The following PRKAR2B variants were observed in gnomAD, a reference collection of about 807,000 sequenced individuals.
PRKAR2B encodes the protein cAMP-dependent protein kinase type II-beta regulatory subunit.
A neutral mutation model predicts 49.9 loss-of-function variants in PRKAR2B; 14 were observed. The ratio of observed to expected loss-of-function variants is 0.28; its 90% confidence interval spans 0.19 to 0.44. The LOEUF (loss-of-function observed/expected upper bound fraction) is 0.44, where lower values mean the gene tolerates loss of function less well. PRKAR2B is among the 20% of genes least tolerant of loss of function. The pLI is 1.00. For synonymous variants in PRKAR2B, 196 were observed against 197.7 expected, an observed-to-expected ratio of 0.99 and a Z score of 0.07; for missense variants, 393 against 537.9, an observed-to-expected ratio of 0.73 and a Z score of 2.67.
At chr7:107,087,415 G>A (rs1237212597) in intron 2 of PRKAR2B, among the ~76,000 whole-genome samples, 1 of 152,100 alleles carries the variant, frequency 6.6e-6, no homozygotes, top group Non-Finnish European at 1.5e-5. Context: ...ATTCCAGTAA[G>A]AACCACTTTA....
chr7:107,124,700 G>A lies in PRKAR2B; in HGVS notation c.396+2696G>A, dbSNP rs113393521. On this transcript the variant is annotated intron_variant, in intron 3 of 10. Coordinates refer to ENST00000265717, the MANE Select transcript of PRKAR2B (RefSeq NM_002736.3). ...CTCCCAAACTGTTAGGATTACTGGC[G>A]TGAGCCACTGTGCCTGACCGATATA... 2.3e-3 allele frequency among the ~76,000 whole-genome samples: 346 copies of A among 152,228 alleles called. 3 individuals carry two copies. Among genetic ancestry groups the A allele is most frequent in the African/African-American group, 7.8e-3 (325 of 41,566 alleles).
intron 2 of PRKAR2B, among the ~76,000 whole-genome samples, chr7:107,096,902 C>T (rs1794849728): frequency 6.6e-6 from 1 of 152,188 alleles, no homozygotes; most frequent in Non-Finnish European, 1.5e-5. Context: ...AGTTCTTTTA[C>T]ACTTGCTGAG....
In PRKAR2B at chr7:107,154,840, G is replaced by A. The variant is rs1281009693; in HGVS notation, c.918+1589G>A. Among the ~76,000 whole-genome samples, 6 of 152,172 alleles carry A rather than the reference G, an allele frequency of 3.9e-5. No homozygotes were observed. In the South Asian group the frequency reaches 1.2e-3, roughly 32 times the overall value. On this transcript the variant is annotated intron_variant, in intron 8 of 10. Transcript: ENST00000265717. ...CAAAAGCAAGAAAGAACAGGTATATGGGTAGAGCAACACTTTTCTTTTAGA... is the reference window on the plus strand; with the variant it reads ...CAAAAGCAAGAAAGAACAGGTATATAGGTAGAGCAACACTTTTCTTTTAGA...
chr7:107,066,100 G>C (rs1295545838), intron 1 of PRKAR2B, among the ~76,000 whole-genome samples: 1 of 152,172 alleles, frequency 6.6e-6, no homozygotes, highest in African/African-American at 2.4e-5. Context: ...TTCCACTGCA[G>C]TAGTGTTGGG....
chr7:107,088,089 A>G (rs1018645390), intron 2 of PRKAR2B, among the ~76,000 whole-genome samples: 5 of 152,098 alleles, frequency 3.3e-5, no homozygotes, highest in African/African-American at 1.2e-4. Flanking sequence ...AGATACTATT[A>G]TTATTTCCGT....
intron 2 of PRKAR2B, among the ~76,000 whole-genome samples, chr7:107,117,869 T>G (rs1042270521): frequency 1.3e-5 from 2 of 152,168 alleles, no homozygotes; most frequent in Non-Finnish European, 2.9e-5. Flanking sequence ...TTACTCTATC[T>G]GCAATGTGGG....
At chr7:107,058,200 T>A (rs1051034261) in intron 1 of PRKAR2B, among the ~76,000 whole-genome samples, 1 of 152,186 alleles carries the variant, frequency 6.6e-6, no homozygotes, top group Non-Finnish European at 1.5e-5. Context: ...AAATTTAAGG[T>A]TTAGCAGGTA....
rs1796173783 is a variant in PRKAR2B, at chr7:107,160,209, G to A, written c.*627G>A. ...TAATGTCAGTAACATACATATTCCAGTGGTTTTATGGACAGGCAATTTAGT... is the reference window on the plus strand; with the variant it reads ...TAATGTCAGTAACATACATATTCCAATGGTTTTATGGACAGGCAATTTAGT... On this transcript the variant is annotated 3_prime_UTR_variant, in exon 11 of 11. Coordinates refer to ENST00000265717, the MANE Select transcript of PRKAR2B (RefSeq NM_002736.3). 1.3e-5 allele frequency: 2 copies of A among 152,580 alleles called. No individual in the cohort carries two copies. The highest frequency in any genetic ancestry group is 6.5e-5 in the Admixed American group (1 of 15,276). 9.5% of individuals were successfully genotyped at this position (152,580 alleles called of 1,614,324 possible). A position where few individuals can be genotyped will look rare whatever the true frequency, so the allele number is the denominator to read the frequency against.
chr7:107,076,648 T>C (rs556749818), intron 2 of PRKAR2B, among the ~76,000 whole-genome samples: 4 of 152,350 alleles, frequency 2.6e-5, no homozygotes, highest in East Asian at 1.9e-4. Context: ...TTATTTCTTA[T>C]AATAGAAGGA....
At chr7:107,144,124 G>A (rs1180319077) in intron 5 of PRKAR2B, among the ~76,000 whole-genome samples, 1 of 150,820 alleles carries the variant, frequency 6.6e-6, no homozygotes, top group Non-Finnish European at 1.5e-5. Flanking sequence ...TGCTCTTGTT[G>A]CCCAGGCTGG....
At position 107,160,311 on chromosome 7, in the gene PRKAR2B, CTTTT is replaced by C. The variant is rs201368651; in HGVS notation, c.*734_*737del. The C allele has an allele frequency of 6.6e-6, 1 of 152,026 alleles. No individual in the cohort carries two copies. Among genetic ancestry groups the C allele is most frequent in the Non-Finnish European group, 1.5e-5 (1 of 67,936 alleles). The allele number at this position is 152,026 out of a possible 1,614,324, so 9.4% of individuals were successfully genotyped here. Reference sequence around the variant, plus strand: ...TTTTCCCTCATCAAGCATATATCTGCTTTTTTTTATTTTGCAATTCTCTGTATTC... The same window carrying C: ...TTTTCCCTCATCAAGCATATATCTGCTTTTATTTTGCAATTCTCTGTATTC... On this transcript the variant is annotated 3_prime_UTR_variant, in exon 11 of 11. Transcript: ENST00000265717.
chr7:107,152,986 G>T (rs147937501), intron 7 of PRKAR2B, among the ~76,000 whole-genome samples, 191 bp from the exon 8 acceptor site: 47 of 152,336 alleles, frequency 3.1e-4, no homozygotes, highest in Non-Finnish European at 5.4e-4. Flanking sequence ...TTTTTCAAGA[G>T]AAGCTGGAGA....
chr7:107,105,981 G>T (rs1399699207), intron 2 of PRKAR2B, among the ~76,000 whole-genome samples: 1 of 152,122 alleles, frequency 6.6e-6, no homozygotes, highest in Non-Finnish European at 1.5e-5. Context: ...GTTAGCTCAT[G>T]GGGGGTTGAG....
chr7:107,065,069 A>G (rs939755410), intron 1 of PRKAR2B, among the ~76,000 whole-genome samples: 34 of 152,354 alleles, frequency 2.2e-4, no homozygotes, highest in African/African-American at 8.2e-4. Flanking sequence ...TAATTATCTT[A>G]CATGGTTTCA....
chr7:107,145,822 C>T (rs1417066721), intron 5 of PRKAR2B, among the ~76,000 whole-genome samples: 2 of 150,224 alleles, frequency 1.3e-5, no homozygotes, highest in Admixed American at 6.7e-5. Context: ...TCACTGCAAC[C>T]TCCGTCTCCC....
At chr7:107,083,424 C>CTG (rs1794553874) in intron 2 of PRKAR2B, among the ~76,000 whole-genome samples, 1 of 151,738 alleles carries the variant, frequency 6.6e-6, no homozygotes, top group Non-Finnish European at 1.5e-5. Context: ...GCACGGTCAA[C>CTG]TGTGTGTCGA....
At chr7:107,063,950 A>G (rs1254265038) in intron 1 of PRKAR2B, among the ~76,000 whole-genome samples, 2 of 152,184 alleles carry the variant, frequency 1.3e-5, no homozygotes, top group African/African-American at 4.8e-5. Flanking sequence ...TGCTCTTTGC[A>G]TGAATCTGAC....
rs536349158 is a variant in PRKAR2B at position 107,157,245 on chromosome 7, G to C, written c.1044G>C (p.Gln348His). The change falls in exon 10 of 11, where the codon CAG (glutamine) becomes CAC (histidine). Residue 348 changes from glutamine to histidine, a missense_variant. Coordinates refer to ENST00000265717, the MANE Select transcript of PRKAR2B (RefSeq NM_002736.3). ...AAATCGCTCGATGCTCGCGGGGACA[G>C]TACTTTGGAGAGCTTGCCCTGGTAA... ...AVEIARCSRGQYFGELALVTN... is the reference protein window; with the variant it reads ...AVEIARCSRGHYFGELALVTN... 6.2e-7 allele frequency: 1 copy of C among 1,614,248 alleles called. No homozygotes were observed. The highest frequency in any genetic ancestry group is 1.3e-5 in the African/African-American group (1 of 75,078).
chr7:107,049,804 A>G (rs1793767014), intron 1 of PRKAR2B, among the ~76,000 whole-genome samples: 1 of 152,206 alleles, frequency 6.6e-6, no homozygotes, highest in Non-Finnish European at 1.5e-5. Flanking sequence ...GGATTTTGTA[A>G]TTAATGAGAC....
Sources: gnomAD v4.1 joint callset for allele counts (sites outside exome capture counted in the v4.1 genomes callset) on GRCh38, gnomAD v4.1.1 for gene constraint, MANE v1.5 for transcripts, NCBI Gene and HGNC (gene_info 2026-07-23, HGNC 2026-07-21) for gene names.